Variants in MIA2 observed in about 807,000 individuals in gnomAD.
MIA2 encodes the protein melanoma inhibitory activity protein 2.
A neutral mutation model predicts 167.8 loss-of-function variants in MIA2; 127 were observed. The observed-to-expected ratio is 0.76, with a 90% CI of 0.66 to 0.88. The LOEUF is 0.88. MIA2 is among the 40% of genes least tolerant of loss of function. The pLI is 0.00. For missense variants in MIA2, 1,690 were observed against 1,624.7 expected (o/e 1.04, Z -0.69); for synonymous variants, 552 against 541.9 (o/e 1.02, Z -0.26).
chr14:39,369,088 A>G (rs770563169), intron 23 of MIA2, among the ~76,000 whole-genome samples: 2 of 152,144 alleles, frequency 1.3e-5, no homozygotes, highest in Admixed American at 6.5e-5. Flanking sequence ...ATTTTTTTAA[A>G]TGTAAGATGG....
At chr14:39,305,728 G>A (rs2063231553) in intron 17 of MIA2, among the ~76,000 whole-genome samples, 1 of 152,164 alleles carries the variant, frequency 6.6e-6, no homozygotes, top group South Asian at 2.1e-4. Flanking sequence ...TTGAGCTGGG[G>A]AGTTCAAGAC....
chr14:39,353,747 A>G (rs932993861), downstream of MIA2, among the ~76,000 whole-genome samples: 1 of 152,032 alleles, frequency 6.6e-6, no homozygotes, highest in African/African-American at 2.4e-5. Flanking sequence ...CTGGTTTGTG[A>G]TGTTCCCCTT....
intron 6 of MIA2, among the ~76,000 whole-genome samples, chr14:39,269,862 C>T (rs542461341): frequency 6.6e-6 from 1 of 152,238 alleles, no homozygotes; most frequent in African/African-American, 2.4e-5. Flanking sequence ...CGTTGTGTGA[C>T]TATATCACAT....
At chr14:39,240,414 C>A in intron 2 of MIA2, 147 bp from the exon 3 acceptor site, 1 of 506,970 alleles carries the variant, frequency 2.0e-6, no homozygotes. Context: ...AATATTATTT[C>A]ACTCTTTTTT....
chr14:39,288,899 T>C (rs770333708), intron 9 of MIA2, among the ~76,000 whole-genome samples: 3 of 152,224 alleles, frequency 2.0e-5, no homozygotes, highest in African/African-American at 4.8e-5. Flanking sequence ...ATCAGAGATA[T>C]TGACCTGTAG....
chr14:39,340,798 T>C (rs748605389), intron 25 of MIA2, among the ~76,000 whole-genome samples: 19 of 152,224 alleles, frequency 1.2e-4, no homozygotes, highest in Non-Finnish European at 2.5e-4. Context: ...TGATCCTTTA[T>C]AAATTCTAAT....
intron 6 of MIA2, 58 bp downstream of exon 6, chr14:39,253,229 G>A (rs1313057728): frequency 5.0e-6 from 8 of 1,590,646 alleles, no homozygotes; most frequent in Non-Finnish European, 6.9e-6. Context: ...AAATATAAGA[G>A]TGGCTACAAA....
At chr14:39,243,896 C>G (rs564740983) in intron 3 of MIA2, among the ~76,000 whole-genome samples, 150 of 152,038 alleles carry the variant, frequency 9.9e-4, no homozygotes, top group African/African-American at 3.4e-3. Flanking sequence ...AATGAAGACC[C>G]GAAGATACAG....
chr14:39,311,202 A>G (rs529196193), intron 18 of MIA2, among the ~76,000 whole-genome samples: 8 of 152,280 alleles, frequency 5.3e-5, no homozygotes, highest in African/African-American at 1.9e-4. Flanking sequence ...AATTCCTAAA[A>G]TATTTTACAT....
intron 6 of MIA2, among the ~76,000 whole-genome samples, chr14:39,256,576 G>A (rs562255660): frequency 5.2e-4 from 79 of 151,834 alleles, no homozygotes; most frequent in African/African-American, 1.8e-3. Context: ...ATTAAAGGAG[G>A]CAGCTTTTTA....
At chr14:39,347,525 G>T in intron 26 of MIA2, 188 bp from the exon 27 acceptor site, 1 of 581,308 alleles carries the variant, frequency 1.7e-6, no homozygotes, top group Non-Finnish European at 3.0e-6. Flanking sequence ...TGCCATCATA[G>T]AACTCTGAGT....
chr14:39,360,955 G>T (rs537958590), intron 23 of MIA2, among the ~76,000 whole-genome samples: 1 of 152,218 alleles, frequency 6.6e-6, no homozygotes, highest in South Asian at 2.1e-4. Context: ...AAATCAGTTG[G>T]CTGTAAATAC....
intron 23 of MIA2, among the ~76,000 whole-genome samples, chr14:39,375,063 A>G (rs1425796918): frequency 1.3e-5 from 2 of 152,070 alleles, no homozygotes; most frequent in East Asian, 3.9e-4. Flanking sequence ...GGTATGAGGT[A>G]AAGGAAATGT....
intron 4 of MIA2, among the ~76,000 whole-genome samples, chr14:39,248,668 C>T (rs528849920): frequency 2.9e-4 from 44 of 152,136 alleles, no homozygotes; most frequent in East Asian, 9.6e-4. Context: ...CATTCACATT[C>T]GCTTTTTAGC....
chr14:39,311,119 A>C (rs947169402), intron 18 of MIA2, among the ~76,000 whole-genome samples: 2 of 152,342 alleles, frequency 1.3e-5, no homozygotes, highest in South Asian at 2.1e-4. Context: ...TAAAGGAAGG[A>C]TAGGAAACTG....
intron 10 of MIA2, 79 bp from the exon 11 acceptor site, chr14:39,293,192 A>T: frequency 1.0e-6 from 1 of 954,502 alleles, no homozygotes; most frequent in Non-Finnish European, 1.6e-6. Context: ...CTTATAGTAC[A>T]TATTTTTTAT....
chr14:39,319,383 CTGTT>C (rs2066021176), intron 23 of MIA2, 92 bp downstream of exon 23: 1 of 546,862 alleles, frequency 1.8e-6, no homozygotes, highest in Non-Finnish European at 2.8e-6. Context: ...TAAGTTAACA[CTGTT>C]ATTTATATAA....
chr14:39,266,262 A>G, intron 6 of MIA2: 3 of 985,406 alleles, frequency 3.0e-6, no homozygotes, highest in Non-Finnish European at 3.6e-6. Flanking sequence ...AGGAAGACAT[A>G]TATATGAGAT....
chr14:39,260,278 CCA>C (rs1227500148), intron 6 of MIA2, among the ~76,000 whole-genome samples: 5 of 152,174 alleles, frequency 3.3e-5, no homozygotes, highest in Non-Finnish European at 5.9e-5. Context: ...TGAGGAATCG[CCA>C]CACTGTCTTC....
Sources: gnomAD v4.1 joint callset for allele counts (sites outside exome capture counted in the v4.1 genomes callset) on GRCh38, gnomAD v4.1.1 for gene constraint, MANE v1.5 for transcripts, NCBI Gene and HGNC (gene_info 2026-07-23, HGNC 2026-07-21) for gene names.